The following PCDHA8 variants were observed in gnomAD, a reference collection of about 807,000 sequenced individuals.
PCDHA8 encodes protocadherin alpha-8.
In PCDHA8, 53 loss-of-function variants were observed where a neutral mutation model predicts 61.8. That is an observed-to-expected ratio of 0.86 (90% CI 0.69 to 1.08). The LOEUF is 1.08. Ranked by LOEUF, PCDHA8 falls within the 50% of genes least tolerant of loss-of-function variation. The pLI is 0.00. For synonymous variants in PCDHA8, 618 were observed against 556.6 expected, an observed-to-expected ratio of 1.11 and a Z score of -1.55; for missense variants, 1,293 against 1,245.0, an observed-to-expected ratio of 1.04 and a Z score of -0.58.
rs1167461963 is a variant in PCDHA8 at position 140,968,386 on chromosome 5, G to A, written c.2395-10563G>A. 2.5e-6 allele frequency: 4 copies of A among 1,613,910 alleles called. No homozygotes were observed. The African/African-American group carries it at 4.0e-5, about 16-fold the overall frequency. On this transcript the variant is annotated intron_variant, in intron 1 of 3. Transcript: ENST00000531613. ...ATGCTGTCAACTCCTTTGACTATGA[G>A]AAGTTTCGGGAGTTCTTTGTGACTG...
intron 1 of PCDHA8, among the ~76,000 whole-genome samples, chr5:140,917,163 G>C (rs948639951): frequency 6.6e-6 from 1 of 152,182 alleles, no homozygotes; most frequent in Non-Finnish European, 1.5e-5. Flanking sequence ...ATATGGGAGG[G>C]GTGATGGTGG....
At chr5:141,003,053 C>T (rs1554258899) in intron 3 of PCDHA8, among the ~76,000 whole-genome samples, 3 of 152,206 alleles carry the variant, frequency 2.0e-5, no homozygotes, top group African/African-American at 7.2e-5. Flanking sequence ...CTTAACAGAA[C>T]AGTTCCAAAT....
intron 1 of PCDHA8, among the ~76,000 whole-genome samples, chr5:140,905,229 G>A (rs2071688415): frequency 6.6e-6 from 1 of 152,156 alleles, no homozygotes; most frequent in African/African-American, 2.4e-5. Flanking sequence ...TGAGAGATGA[G>A]GATCCAGTTT....
At position 140,997,829 on chromosome 5, in the gene PCDHA8, C is replaced by G. The variant is rs1294994549; in HGVS notation, c.2543-11798C>G. On this transcript the variant is annotated intron_variant, in intron 3 of 3. Transcript: ENST00000531613. ...GCTGTTGGTATCTATGTTTTCTAAA[C>G]AATACAATATACATTCTTATACATA... 2.0e-5 allele frequency among the ~76,000 whole-genome samples: 3 copies of G among 152,190 alleles called. No homozygotes were observed. The East Asian group carries it at 5.8e-4, about 29-fold the overall frequency.
At chr5:141,006,634 A>G (rs1324728437) in intron 3 of PCDHA8, among the ~76,000 whole-genome samples, 4 of 152,220 alleles carry the variant, frequency 2.6e-5, no homozygotes, top group Non-Finnish European at 5.9e-5. Flanking sequence ...GCTGCAATTC[A>G]TATAAGAGAT....
At chr5:140,880,241 C>T (rs529552139) in intron 1 of PCDHA8, among the ~76,000 whole-genome samples, 12 of 150,302 alleles carry the variant, frequency 8.0e-5, no homozygotes, top group South Asian at 4.2e-4. Flanking sequence ...AGTGTATGTG[C>T]GTGTGTGTAT....
intron 1 of PCDHA8, chr5:140,928,071 C>CTACTACAGCCTGCTG: frequency 6.2e-7 from 1 of 1,614,220 alleles, no homozygotes; most frequent in South Asian, 1.1e-5. Context: ...CCTTTGACAA[C>CTACTACAGCCTGCTG]TACTACAGCC....
chr5:140,885,870 A>T (rs1302417773), intron 1 of PCDHA8, among the ~76,000 whole-genome samples: 1 of 152,162 alleles, frequency 6.6e-6, no homozygotes, highest in African/African-American at 2.4e-5. Context: ...TATTGAAAAA[A>T]AATTTTTAGT....
chr5:140,941,181 G>C (rs2092747130), intron 1 of PCDHA8, among the ~76,000 whole-genome samples: 1 of 114,608 alleles, frequency 8.7e-6, no homozygotes, highest in African/African-American at 3.2e-5. Flanking sequence ...TGAACATCCT[G>C]CTTCTTTTTT....
intron 1 of PCDHA8, among the ~76,000 whole-genome samples, chr5:140,873,578 G>A (rs1175903601): frequency 6.8e-5 from 8 of 117,146 alleles, no homozygotes; most frequent in Non-Finnish European, 1.4e-4. Flanking sequence ...GGTTGTTTAA[G>A]TATTAAGCTA....
chr5:141,010,384 G>T lies in PCDHA8; in HGVS notation c.*447G>T, dbSNP rs2098417140. 10 of 1,411,480 alleles carry T rather than the reference G, an allele frequency of 7.1e-6. No homozygotes were observed. In the South Asian group the frequency reaches 8.5e-5, roughly 12 times the overall value. The allele number at this position is 1,411,480 out of a possible 1,614,324, so 87.4% of individuals were successfully genotyped here. A position where few individuals can be genotyped will look rare whatever the true frequency, so the allele number is the denominator to read the frequency against. ...GCGGGTATGCGAGTGCCAGATATTGGCTGAGACGAGCCAGCTTAGACTAAT... is the reference window on the plus strand; with the variant it reads ...GCGGGTATGCGAGTGCCAGATATTGTCTGAGACGAGCCAGCTTAGACTAAT... On this transcript the variant is annotated 3_prime_UTR_variant, in exon 4 of 4. Coordinates refer to ENST00000531613, the MANE Select transcript of PCDHA8 (RefSeq NM_018911.3).
rs2150352626 is a variant in PCDHA8, at chr5:140,843,105, G to A, written c.1784G>A (p.Arg595His). ...GCGGGCCACGTGGTAGCGAAGGTGCGCGCAGTGGACGCCGACTCGGGCTAC... is the reference window on the plus strand; with the variant it reads ...GCGGGCCACGTGGTAGCGAAGGTGCACGCAGTGGACGCCGACTCGGGCTAC... ...VGAGHVVAKV[R>H]AVDADSGYNA... Residue 595 changes from arginine (R) to histidine (H), a missense_variant, in exon 1 of 4, where the codon CGC (arginine) becomes CAC (histidine). Arg to His is a conservative substitution (Grantham distance 29). Coordinates refer to ENST00000531613, the MANE Select transcript of PCDHA8 (RefSeq NM_018911.3). 1 of 1,595,772 alleles carries A rather than the reference G, an allele frequency of 6.3e-7. No individual in the cohort carries two copies. Among genetic ancestry groups the A allele is most frequent in the South Asian group, 1.1e-5 (1 of 90,510 alleles).
At chr5:140,904,692 A>G (rs1484371560) in intron 1 of PCDHA8, among the ~76,000 whole-genome samples, 1 of 152,126 alleles carries the variant, frequency 6.6e-6, no homozygotes, top group Non-Finnish European at 1.5e-5. Context: ...GCAGTGTAAA[A>G]TTGTTCCCTT....
chr5:140,857,728 C>G, intron 1 of PCDHA8: 1 of 1,597,418 alleles, frequency 6.3e-7, no homozygotes, highest in Non-Finnish European at 8.6e-7. Context: ...AGAACGACAA[C>G]GCTCCCGCGC....
chr5:141,002,335 ACC>A (rs1554258611), intron 3 of PCDHA8, among the ~76,000 whole-genome samples: 81 of 152,230 alleles, frequency 5.3e-4, no homozygotes, highest in African/African-American at 2.0e-3. Flanking sequence ...CTGCATCCGC[ACC>A]CCTTCCCCCA....
At chr5:140,850,115 G>A (rs2150468444) in intron 1 of PCDHA8, 17 of 1,595,978 alleles carry the variant, frequency 1.1e-5, no homozygotes, top group Non-Finnish European at 1.5e-5. Flanking sequence ...CGCGCGACGC[G>A]GGCGTGCCGC....
chr5:140,870,167 C>G, intron 1 of PCDHA8: 1 of 1,614,134 alleles, frequency 6.2e-7, no homozygotes, highest in Non-Finnish European at 8.5e-7. Flanking sequence ...ACTTCCTTGT[C>G]CCTCCCAGTA....
At chr5:140,852,883 G>A (rs1190514830) in intron 1 of PCDHA8, 22 of 933,050 alleles carry the variant, frequency 2.4e-5, no homozygotes, top group African/African-American at 1.6e-4. Flanking sequence ...ATCATAAAAC[G>A]TATTTTTTTT....
chr5:140,863,124 C>T (rs1554157805), intron 1 of PCDHA8: 1 of 594,982 alleles, frequency 1.7e-6, no homozygotes, highest in Non-Finnish European at 3.3e-6. Flanking sequence ...AAGCTACGCG[C>T]CACCGCCTGC....
Sources: allele counts gnomAD v4.1 joint callset (sites outside exome capture counted in the v4.1 genomes callset), GRCh38; gene constraint gnomAD v4.1.1; transcripts MANE v1.5; gene names NCBI Gene and HGNC (gene_info 2026-07-23, HGNC 2026-07-21).